SGSM2: variants seen among roughly 807,000 people sequenced by gnomAD.
SGSM2 encodes the protein small G protein signaling modulator 2.
In SGSM2, 89 loss-of-function variants were observed where a neutral mutation model predicts 126.6. The ratio of observed to expected loss-of-function variants is 0.70; its 90% CI spans 0.59 to 0.84. SGSM2 has a LOEUF of 0.84. SGSM2 is among the 40% of genes least tolerant of loss of function. The pLI is 0.00. For missense variants in SGSM2, 1,404 were observed against 1,416.6 expected, an observed-to-expected ratio of 0.99 and a Z score of 0.14; for synonymous variants, 614 against 574.3, an observed-to-expected ratio of 1.07 and a Z score of -0.99.
At chr17:2,352,608 A>G (rs537054907) in intron 2 of SGSM2, among the ~76,000 whole-genome samples, 1 of 151,952 alleles carries the variant, frequency 6.6e-6, no homozygotes, top group Non-Finnish European at 1.5e-5. Flanking sequence ...AGTGGTTCCC[A>G]CTGTTACCAG....
rs114653243 is a variant in SGSM2 at position 2,338,121 on chromosome 17, G to A, written c.57+376G>A. Among the ~76,000 whole-genome samples the A allele has an allele frequency of 7.7e-3, 1,172 of 152,198 alleles. 12 individuals are homozygous for A. Among genetic ancestry groups the A allele is most frequent in the African/African-American group, 0.026 (1,085 of 41,558 alleles). ...GGGGCGGGGCCCCGCGCGAGCTCCC[G>A]CGGCGCAGGTGGGTGTCGTGCGGGC... On this transcript the variant is annotated intron_variant, in intron 1 of 23. Transcript: ENST00000268989.
Position 2,363,049 on chromosome 17 carries a change from C to A in SGSM2, c.587C>A (p.Pro196His), listed in dbSNP as rs2065389532. ...ACAGCCGATCACTACTGGACTGACC[C>A]CTCTGCTGATGAGCTGGTCCAGCGG... ...LKTADHYWTD[P>H]SADELVQRHR... Residue 196 changes from proline (P) to histidine (H), a missense_variant, in exon 6 of 24, where the codon CCC becomes CAC. By Grantham distance (77) the Pro-to-His change is moderately conservative. Transcript: ENST00000268989. The surrounding 1 kb of genome is among the most constrained non-coding windows in gnomAD (Gnocchi z 4.2). The A allele has an allele frequency of 1.2e-6, 2 of 1,613,988 alleles. No individual in the cohort carries two copies. Among genetic ancestry groups the A allele is most frequent in the East Asian group, 4.5e-5 (2 of 44,876 alleles).
chr17:2,342,381 G>A (rs1489971667), intron 1 of SGSM2, among the ~76,000 whole-genome samples: 2 of 151,908 alleles, frequency 1.3e-5, no homozygotes, highest in Admixed American at 6.6e-5. Context: ...CTGAGAACGC[G>A]CCACTTCACT....
intron 12 of SGSM2, among the ~76,000 whole-genome samples, chr17:2,371,028 CAGA>C (rs78582715): frequency 0.075 from 11,490 of 152,252 alleles, 638 homozygotes; most frequent in African/African-American, 0.15. Flanking sequence ...TTACCACATG[CAGA>C]AGGACGCCTT....
rs781098680 is a variant in SGSM2, at chr17:2,337,682, C to G, written c.-7C>G. 1.1e-5 allele frequency: 17 copies of G among 1,496,666 alleles called. No individual in the cohort carries two copies. The Admixed American group carries it at 3.0e-4, about 27-fold the overall frequency. The allele number at this position is 1,496,666 out of a possible 1,614,324, so 92.7% of individuals were successfully genotyped here. Reference sequence around the variant, plus strand: ...GAGGACCGCTCGGCGCCGCCTCCTGCCACACCATGGGCAGCGCAGAGGACG... The same window carrying G: ...GAGGACCGCTCGGCGCCGCCTCCTGGCACACCATGGGCAGCGCAGAGGACG... On this transcript the variant is annotated 5_prime_UTR_variant, in exon 1 of 24. Transcript: ENST00000268989. The surrounding 1 kb of genome is among the most constrained non-coding windows in gnomAD (Gnocchi z 5.1).
In SGSM2 at chr17:2,373,279, G is replaced by A. The variant is rs2065966099; in HGVS notation, c.1918-52G>A. ...TCCAGTGCAGGCCCAGCTCCTGAAGGGGAGGGCCTGGTGCACGCTTCCCCC... is the reference window on the plus strand; with the variant it reads ...TCCAGTGCAGGCCCAGCTCCTGAAGAGGAGGGCCTGGTGCACGCTTCCCCC... On this transcript the variant is annotated intron_variant, in intron 16 of 23. Transcript: ENST00000268989. The A allele has an allele frequency of 6.3e-6, 10 of 1,582,114 alleles. No individual in the cohort carries two copies. In the Admixed American group the frequency reaches 1.4e-4, roughly 21 times the overall value.
chr17:2,339,256 T>C (rs2064236805), intron 1 of SGSM2, among the ~76,000 whole-genome samples: 1 of 148,176 alleles, frequency 6.7e-6, no homozygotes, highest in African/African-American at 2.5e-5. Flanking sequence ...TGAAACCCCA[T>C]CTCTACTGAA....
chr17:2,358,383 A>T (rs2447110), intron 2 of SGSM2, among the ~76,000 whole-genome samples: 1 of 151,800 alleles, frequency 6.6e-6, no homozygotes, highest in African/African-American at 2.4e-5. Flanking sequence ...TGTATGTTTC[A>T]ATTAGTGACA....
intron 2 of SGSM2, among the ~76,000 whole-genome samples, chr17:2,353,358 C>T (rs933366859): frequency 5.9e-5 from 9 of 152,162 alleles, no homozygotes; most frequent in Non-Finnish European, 8.8e-5. Context: ...GAGAGACTCT[C>T]TGGCATCATC....
chr17:2,341,115 G>GT (rs1209975233), intron 1 of SGSM2, among the ~76,000 whole-genome samples: 1 of 151,652 alleles, frequency 6.6e-6, no homozygotes, highest in Non-Finnish European at 1.5e-5. Flanking sequence ...AATCTAGGAA[G>GT]TTTTTTTTGT....
chr17:2,365,655 G>A (rs1050831819), intron 11 of SGSM2, among the ~76,000 whole-genome samples: 2 of 151,956 alleles, frequency 1.3e-5, no homozygotes, highest in East Asian at 1.9e-4. Flanking sequence ...GTGGAGAAAC[G>A]AGAAGTAGAA....
intron 2 of SGSM2, among the ~76,000 whole-genome samples, chr17:2,359,685 G>A (rs895621128): frequency 6.6e-6 from 1 of 152,118 alleles, no homozygotes; most frequent in South Asian, 2.1e-4. Context: ...TGCTGGGGCC[G>A]GCCACTCCCC....
chr17:2,377,064 T>C lies in SGSM2; in HGVS notation c.2798T>C (p.Ile933Thr). 6.2e-7 allele frequency: 1 copy of C among 1,608,122 alleles called. No individual in the cohort carries two copies. Among genetic ancestry groups the C allele is most frequent in the Non-Finnish European group, 8.5e-7 (1 of 1,175,616 alleles). The change falls in exon 21 of 24, where the codon ATC becomes ACC. Residue 933 changes from isoleucine (I) to threonine (T), a missense_variant. By Grantham distance (89) the Ile-to-Thr change is moderately conservative. Coordinates refer to ENST00000268989, the MANE Select transcript of SGSM2 (RefSeq NM_014853.3). ...CACTTTGCCAACATGCGCTCCCTCA[T>C]CCAGGTGAGGCCGGTTGCCACCCAT... ...DTHFANMRSL[I>T]QILDSELFEL... is the part of the protein sequence containing the mutation.
At chr17:2,343,464 C>T (rs577100312) in intron 1 of SGSM2, 81 bp from the exon 2 acceptor site, 192 of 1,425,154 alleles carry the variant, frequency 1.3e-4, no homozygotes, top group African/African-American at 1.3e-3. Context: ...ACCAGAAGGG[C>T]GGAACCAAAC....
At chr17:2,354,967 G>A (rs1479160941) in intron 2 of SGSM2, among the ~76,000 whole-genome samples, 9 of 117,024 alleles carry the variant, frequency 7.7e-5, no homozygotes, top group Non-Finnish European at 1.3e-4. Flanking sequence ...TCTTAGAATG[G>A]TGGAATCGGG....
chr17:2,345,386 G>A (rs1482927584), intron 2 of SGSM2, among the ~76,000 whole-genome samples: 1 of 151,560 alleles, frequency 6.6e-6, no homozygotes, highest in Non-Finnish European at 1.5e-5. Context: ...CACGAGGTCA[G>A]GAGATCGAGA....
In SGSM2 at chr17:2,348,739, G is replaced by A. The variant is rs1029360091; in HGVS notation, c.133+5119G>A. Among the ~76,000 whole-genome samples, 7 of 152,020 alleles carry A rather than the reference G, an allele frequency of 4.6e-5. No homozygotes were observed. In the East Asian group the frequency reaches 9.7e-4, roughly 21 times the overall value. On this transcript the variant is annotated intron_variant, in intron 2 of 23. Coordinates refer to ENST00000268989, the MANE Select transcript of SGSM2 (RefSeq NM_014853.3). ...CTGAGTATGCAGAAGGTGCTCAATCGCATTCTACTTTGGTTTTTATTTTGT... is the reference window on the plus strand; with the variant it reads ...CTGAGTATGCAGAAGGTGCTCAATCACATTCTACTTTGGTTTTTATTTTGT...
chr17:2,344,528 G>C (rs374418560), intron 2 of SGSM2, among the ~76,000 whole-genome samples: 2 of 152,172 alleles, frequency 1.3e-5, no homozygotes, highest in Admixed American at 1.3e-4. Flanking sequence ...TCCAGCAGCA[G>C]ATCCCCACCA....
chr17:2,362,452 G>A lies in SGSM2; in HGVS notation c.458+182G>A, dbSNP rs1346239326. On this transcript the variant is annotated intron_variant, in intron 4 of 23. Coordinates refer to ENST00000268989, the MANE Select transcript of SGSM2 (RefSeq NM_014853.3). The surrounding 1 kb of genome is among the most constrained non-coding windows in gnomAD (Gnocchi z 4.9). ...CCGTTCCCAAAAACTGCAGGTGACCGCCCCGTTCCCCAAAAACTGCAGGTG... is the reference window on the plus strand; with the variant it reads ...CCGTTCCCAAAAACTGCAGGTGACCACCCCGTTCCCCAAAAACTGCAGGTG... Among the ~76,000 whole-genome samples the A allele has an allele frequency of 1.7e-5, 2 of 121,182 alleles. No homozygotes were observed. The highest frequency in any genetic ancestry group is 6.0e-3 in the Middle Eastern group (1 of 166). 79.5% of individuals were successfully genotyped at this position (121,182 alleles called of 152,430 possible).
Sources: gnomAD v4.1 joint callset for allele counts (sites outside exome capture counted in the v4.1 genomes callset) on GRCh38, gnomAD v4.1.1 for gene constraint, Gnocchi (gnomAD v3.1) non-coding constraint, MANE v1.5 for transcripts, NCBI Gene and HGNC (gene_info 2026-07-23, HGNC 2026-07-21) for gene names.